Variants in LRP6 observed in about 807,000 individuals in gnomAD.
LRP6 encodes the protein low-density lipoprotein receptor-related protein 6.
A neutral mutation model predicts 184.1 loss-of-function variants in LRP6; 43 were observed. The ratio of observed to expected loss-of-function variants is 0.23; its 90% confidence interval spans 0.18 to 0.30. The LOEUF (loss-of-function observed/expected upper bound fraction) is 0.30, where lower values mean the gene tolerates loss of function less well. Among genes scored for constraint, LRP6 ranks in the 10% least tolerant of loss-of-function variants. The pLI, the probability that LRP6 is intolerant of heterozygous loss-of-function variation, is 1.00. For missense variants in LRP6, 1,571 were observed against 2,005.3 expected, an observed-to-expected ratio of 0.78 and a Z score of 4.14; for synonymous variants, 719 against 684.9, an observed-to-expected ratio of 1.05 and a Z score of -0.78.
chr12:12,217,776 TC>T (rs1304100117), intron 2 of LRP6, among the ~76,000 whole-genome samples: 1 of 152,176 alleles, frequency 6.6e-6, no homozygotes, highest in Non-Finnish European at 1.5e-5. Context: ...TGAAGACAGT[TC>T]AGTGGGGAAA....
At chr12:12,211,646 C>T (rs1349398758) in intron 2 of LRP6, among the ~76,000 whole-genome samples, 4 of 152,132 alleles carry the variant, frequency 2.6e-5, no homozygotes, top group African/African-American at 9.7e-5. Context: ...TGACAGTATG[C>T]ATCATCATGA....
intron 17 of LRP6, among the ~76,000 whole-genome samples, chr12:12,132,934 G>A (rs149170724): frequency 6.6e-6 from 1 of 152,288 alleles, no homozygotes; most frequent in African/African-American, 2.4e-5. Flanking sequence ...ACACTTGTCT[G>A]TTAGTGAATT....
At chr12:12,193,500 CA>C (rs61513905) in intron 3 of LRP6, among the ~76,000 whole-genome samples, 6 of 148,944 alleles carry the variant, frequency 4.0e-5, no homozygotes, top group South Asian at 2.1e-4. Context: ...TAGACTGACC[CA>C]AAAAAAAAGA....
intron 15 of LRP6, among the ~76,000 whole-genome samples, chr12:12,143,900 T>C (rs1949967397): frequency 6.6e-6 from 1 of 152,240 alleles, no homozygotes; most frequent in South Asian, 2.1e-4. Context: ...GTATCTATGA[T>C]GTGTACAAGT....
chr12:12,153,597 T>G (rs1228742152), intron 12 of LRP6, among the ~76,000 whole-genome samples: 2 of 152,226 alleles, frequency 1.3e-5, no homozygotes, highest in East Asian at 3.8e-4. Context: ...TAACTGGTTA[T>G]TTCTAAAAGG....
intron 17 of LRP6, 44 bp downstream of exon 17, chr12:12,135,131 A>G (rs752626803): frequency 1.9e-6 from 3 of 1,612,930 alleles, no homozygotes; most frequent in Non-Finnish European, 2.5e-6. Flanking sequence ...GATATGGAAT[A>G]TGTTTGCATT....
rs908669877 is a variant in LRP6, at chr12:12,119,348, A to T, written c.*1778T>A. ...AGAGAGGCCTTGGCAAGACAGAATT[A>T]AAAAAGAAAAAAAAAAAATTCAATA... is the stretch of plus-strand genomic sequence containing the variant. On this transcript the variant is annotated 3_prime_UTR_variant, in exon 23 of 23. Transcript: ENST00000261349. 1 of 152,150 alleles carries T rather than the reference A, an allele frequency of 6.6e-6. No homozygotes were observed. The highest frequency in any genetic ancestry group is 1.9e-4 in the East Asian group (1 of 5,202). The allele number at this position is 152,150 out of a possible 1,614,324, so 9.4% of individuals were successfully genotyped here.
At chr12:12,248,638 C>T (rs1394400110) in intron 1 of LRP6, among the ~76,000 whole-genome samples, 25 of 151,786 alleles carry the variant, frequency 1.6e-4, no homozygotes, top group African/African-American at 4.6e-4. Context: ...CCCGCCACTA[C>T]GCCCAGCTAA....
intron 2 of LRP6, among the ~76,000 whole-genome samples, chr12:12,220,784 G>T (rs1030078646): frequency 6.6e-6 from 1 of 151,954 alleles, no homozygotes; most frequent in African/African-American, 2.4e-5. Context: ...ATTTTTAGGA[G>T]ACACAGGGTT....
intron 3 of LRP6, among the ~76,000 whole-genome samples, chr12:12,199,694 G>A (rs920093068): frequency 4.6e-5 from 7 of 151,828 alleles, no homozygotes; most frequent in African/African-American, 7.3e-5. Context: ...GGCCAGGCAC[G>A]GTGGCTCATG....
rs1949875049 is a variant in LRP6, at chr12:12,138,269, ATTAAT to A, written c.3607+51_3607+55del. The A allele has an allele frequency of 3.5e-6, 5 of 1,443,502 alleles. No individual in the cohort carries two copies. In the South Asian group the frequency reaches 5.7e-5, roughly 16 times the overall value. The allele number at this position is 1,443,502 out of a possible 1,614,324, so 89.4% of individuals were successfully genotyped here. ...AGTTTAAAAATCCACAAAAGTACAT[ATTAAT>A]TTATTATAACACATGATTCCTCCAA... On this transcript the variant is annotated intron_variant, in intron 16 of 22. Coordinates refer to ENST00000261349, the MANE Select transcript of LRP6 (RefSeq NM_002336.3).
intron 1 of LRP6, among the ~76,000 whole-genome samples, chr12:12,256,100 G>A (rs192334121): frequency 3.9e-5 from 6 of 152,230 alleles, no homozygotes; most frequent in East Asian, 1.9e-4. Flanking sequence ...TTTATAAAAC[G>A]AAGGAGTTGG....
intron 2 of LRP6, among the ~76,000 whole-genome samples, chr12:12,223,820 C>T (rs1864548686): frequency 1.3e-5 from 2 of 152,158 alleles, no homozygotes; most frequent in South Asian, 4.1e-4. Flanking sequence ...TCACTCTAGC[C>T]TCCTTCTCCT....
intron 15 of LRP6, among the ~76,000 whole-genome samples, chr12:12,140,138 C>T (rs7139259): frequency 0.026 from 3,938 of 150,536 alleles, 179 homozygotes; most frequent in African/African-American, 0.091. Flanking sequence ...AAGACAAACA[C>T]AACAAAGGAA....
intron 1 of LRP6, among the ~76,000 whole-genome samples, chr12:12,261,904 C>CA (rs150509558): frequency 1.1e-4 from 16 of 151,668 alleles, no homozygotes; most frequent in African/African-American, 3.4e-4. Flanking sequence ...CCCACCAAAA[C>CA]AAAAAAAAGT....
chr12:12,151,995 G>A (rs1300064382), intron 12 of LRP6, among the ~76,000 whole-genome samples: 1 of 152,120 alleles, frequency 6.6e-6, no homozygotes, highest in Admixed American at 6.5e-5. Context: ...AATAATAATA[G>A]ATGCTTTATG....
At chr12:12,177,918 G>A (rs1863237378) in intron 7 of LRP6, among the ~76,000 whole-genome samples, 1 of 151,256 alleles carries the variant, frequency 6.6e-6, no homozygotes, top group Non-Finnish European at 1.5e-5. Context: ...ATGAACGAAT[G>A]AATGAAAAAA....
chr12:12,117,088 C>T lies in LRP6; in HGVS notation c.*4038G>A, dbSNP rs1384578631. On this transcript the variant is annotated 3_prime_UTR_variant, in exon 23 of 23. Coordinates refer to ENST00000261349, the MANE Select transcript of LRP6 (RefSeq NM_002336.3). ...ATGGTGCCATCCCAAAAGTCAGAAG[C>T]CACACATGCACTACAAGTACTTTCT... The T allele has an allele frequency of 6.6e-6, 1 of 152,170 alleles. No individual in the cohort carries two copies. The highest frequency in any genetic ancestry group is 2.4e-5 in the African/African-American group (1 of 41,440). The allele number at this position is 152,170 out of a possible 1,614,324, so 9.4% of individuals were successfully genotyped here.
chr12:12,210,663 C>G (rs561454179), intron 2 of LRP6, among the ~76,000 whole-genome samples: 1 of 152,292 alleles, frequency 6.6e-6, no homozygotes, highest in East Asian at 1.9e-4. Flanking sequence ...ATGTAAGTAA[C>G]TCTGAAAGGA....
Sources: allele counts gnomAD v4.1 joint callset (sites outside exome capture counted in the v4.1 genomes callset), GRCh38; gene constraint gnomAD v4.1.1; transcripts MANE v1.5; gene names NCBI Gene and HGNC (gene_info 2026-07-23, HGNC 2026-07-21).